Variants in DNAAF4 observed in about 807,000 individuals in gnomAD.
DNAAF4 encodes dynein axonemal assembly factor 4.
Under a neutral mutation model 51.8 loss-of-function variants are expected in DNAAF4, and 43 were observed. The observed-to-expected ratio is 0.83, with a 90% CI of 0.65 to 1.07. DNAAF4 has a LOEUF of 1.07. DNAAF4 is among the 50% of genes least tolerant of loss of function. The pLI is 0.00. For missense variants in DNAAF4, 581 were observed against 493.0 expected (o/e 1.18, Z -1.69); for synonymous variants, 194 against 165.6 (o/e 1.17, Z -1.32).
intron 7 of DNAAF4, among the ~76,000 whole-genome samples, chr15:55,438,758 C>A (rs2057659234): frequency 6.7e-6 from 1 of 150,178 alleles, no homozygotes. Context: ...ACACTCCAGC[C>A]TGGGTGATAA....
chr15:55,447,142 G>A (rs1267394791), intron 6 of DNAAF4, among the ~76,000 whole-genome samples: 1 of 146,392 alleles, frequency 6.8e-6, no homozygotes, highest in Non-Finnish European at 1.5e-5. Flanking sequence ...TCCCAGACGG[G>A]GTGGCCAGGC....
intron 5 of DNAAF4, among the ~76,000 whole-genome samples, chr15:55,457,532 G>A (rs959616577): frequency 6.6e-6 from 1 of 152,084 alleles, no homozygotes; most frequent in African/African-American, 2.4e-5. Flanking sequence ...CCAACATCAA[G>A]ATTATATCTC....
chr15:55,427,355 C>T (rs1280542928), downstream of DNAAF4, among the ~76,000 whole-genome samples: 5 of 152,102 alleles, frequency 3.3e-5, no homozygotes, highest in Admixed American at 2.0e-4. Flanking sequence ...CGTGAGCCAC[C>T]GCGCCCAGCC....
At position 55,480,137 on chromosome 15, in the gene DNAAF4, C is replaced by T. The variant is rs543506013; in HGVS notation, c.405+10986G>A. Among the ~76,000 whole-genome samples the T allele has an allele frequency of 3.9e-5, 6 of 152,198 alleles. No homozygotes were observed. The South Asian group carries it at 8.3e-4, about 21-fold the overall frequency. ...TTTGTATCTACTCCCTGTTCTTACA[C>T]CCCCTTTTTGAAACCCTTAATAAAA... On this transcript the variant is annotated intron_variant, in intron 4 of 9. Coordinates refer to ENST00000321149, the MANE Select transcript of DNAAF4 (RefSeq NM_130810.4).
At chr15:55,459,665 A>G (rs1381359581) in intron 5 of DNAAF4, among the ~76,000 whole-genome samples, 1 of 152,152 alleles carries the variant, frequency 6.6e-6, no homozygotes, top group Non-Finnish European at 1.5e-5. Flanking sequence ...AATGAACACC[A>G]AAGTCAGCAG....
rs1423259042 is a variant in DNAAF4, at chr15:55,470,849, T to TG, written c.406-3689_406-3688insC. ...ACATGAGCTACTATGCCTGGCGGAT[T>TG]TTTTTTTTTTTTTTTTTTTTGAGAC... On this transcript the variant is annotated intron_variant, in intron 4 of 9. Transcript: ENST00000321149. Among the ~76,000 whole-genome samples the TG allele has an allele frequency of 2.8e-5, 4 of 140,586 alleles. No homozygotes were observed. In the East Asian group the frequency reaches 8.2e-4, roughly 29 times the overall value. 92.2% of individuals were successfully genotyped at this position (140,586 alleles called of 152,430 possible).
chr15:55,483,833 C>CTTTTTTTTTTTTTTTTTTTTTT (rs71105887), intron 4 of DNAAF4, among the ~76,000 whole-genome samples: 1 of 82,504 alleles, frequency 1.2e-5, no homozygotes, highest in Admixed American at 1.6e-4. Context: ...GCCAATAAAG[C>CTTTTTTTTTTTTTTTTTTTTTT]TTTTTTTTTT....
In DNAAF4 at chr15:55,449,978, C is replaced by CA. The variant is rs541346711; in HGVS notation, c.783+243dup. Among the ~76,000 whole-genome samples the CA allele has an allele frequency of 4.7e-3, 714 of 152,152 alleles. 4 individuals are homozygous for CA. Among genetic ancestry groups the CA allele is most frequent in the Non-Finnish European group, 8.0e-3 (545 of 68,002 alleles). ...GCTCCCAAAGTGCTGGGATTGCAGG[C>CA]ATGAGCCACTGCGCCCGGCCTACTG... On this transcript the variant is annotated intron_variant, in intron 6 of 9. Transcript: ENST00000321149.
At chr15:55,447,393 T>C (rs534753409) in intron 6 of DNAAF4, among the ~76,000 whole-genome samples, 42 of 152,122 alleles carry the variant, frequency 2.8e-4, no homozygotes, top group African/African-American at 9.9e-4. Context: ...GCAGAGGCTG[T>C]AATCTTAGCA....
chr15:55,433,708 T>A (rs146771071), intron 8 of DNAAF4, among the ~76,000 whole-genome samples: 2 of 131,940 alleles, frequency 1.5e-5, no homozygotes, highest in South Asian at 4.4e-4. Flanking sequence ...AATATAAATA[T>A]ATTATATATA....
intron 1 of DNAAF4, among the ~76,000 whole-genome samples, chr15:55,499,242 A>G (rs1017643612): frequency 1.3e-5 from 2 of 152,216 alleles, no homozygotes; most frequent in African/African-American, 4.8e-5. Context: ...TTTACCTACT[A>G]GAGGTCACAC....
chr15:55,491,159 C>T lies in DNAAF4; in HGVS notation c.369G>A (p.Arg123=). The T allele has an allele frequency of 6.2e-7, 1 of 1,613,976 alleles. No homozygotes were observed. The highest frequency in any genetic ancestry group is 1.3e-5 in the African/African-American group (1 of 75,024). ...CACTTAGTGCGTATTTTTGATCTTCCCGCTTTGCTGCAGCTTTTGCTTCTG... is the reference window on the plus strand; with the variant it reads ...CACTTAGTGCGTATTTTTGATCTTCTCGCTTTGCTGCAGCTTTTGCTTCTG... ...EATEAKAAAK[R]EDQKYALSVM... is the part of the protein sequence containing the mutation. The change falls in exon 4 of 10, where the codon CGG becomes CGA. Residue 123 remains arginine, a synonymous_variant. Coordinates refer to ENST00000321149, the MANE Select transcript of DNAAF4 (RefSeq NM_130810.4).
At chr15:55,422,148 T>C (rs1182400573) in intron 7 of DNAAF4, among the ~76,000 whole-genome samples, 1 of 152,016 alleles carries the variant, frequency 6.6e-6, no homozygotes, top group East Asian at 1.9e-4. Context: ...GCTAGATGTA[T>C]AGAACATGCC....
At chr15:55,434,224 C>T (rs2057571884) in intron 8 of DNAAF4, among the ~76,000 whole-genome samples, 1 of 149,014 alleles carries the variant, frequency 6.7e-6, no homozygotes. Flanking sequence ...CATTTGTGGG[C>T]TTTTGTATTC....
At chr15:55,501,428 T>C (rs2058697961) in intron 1 of DNAAF4, among the ~76,000 whole-genome samples, 1 of 146,418 alleles carries the variant, frequency 6.8e-6, no homozygotes, top group Admixed American at 7.0e-5. Context: ...CAGGCTGGAG[T>C]GCAGTGGCGC....
chr15:55,473,853 G>A (rs1236538891), intron 4 of DNAAF4, among the ~76,000 whole-genome samples: 2 of 151,896 alleles, frequency 1.3e-5, no homozygotes, highest in African/African-American at 4.8e-5. Context: ...TTAGCTGGGC[G>A]TGGTGGCACA....
downstream of DNAAF4, among the ~76,000 whole-genome samples, chr15:55,426,352 C>T (rs868422988): frequency 2.0e-5 from 3 of 152,172 alleles, no homozygotes; most frequent in African/African-American, 7.2e-5. Context: ...GCAGTCTAAT[C>T]CCCAGGCAGG....
At chr15:55,455,285 T>C (rs895340921) in intron 5 of DNAAF4, among the ~76,000 whole-genome samples, 2 of 149,248 alleles carry the variant, frequency 1.3e-5, no homozygotes, top group Admixed American at 6.7e-5. Context: ...TGGTACAATT[T>C]GGTATACAAT....
At chr15:55,427,396 G>A (rs536687324), downstream of DNAAF4, among the ~76,000 whole-genome samples, 3 of 152,100 alleles carry the variant, frequency 2.0e-5, no homozygotes, top group South Asian at 4.2e-4. Context: ...ACAACTTGGT[G>A]GGTGAGGTGA....
Sources: gnomAD v4.1 joint callset for allele counts (sites outside exome capture counted in the v4.1 genomes callset) on GRCh38, gnomAD v4.1.1 for gene constraint, MANE v1.5 for transcripts, NCBI Gene and HGNC (gene_info 2026-07-23, HGNC 2026-07-21) for gene names.